The following PLEKHG7 variants were observed in gnomAD, a reference collection of about 807,000 sequenced individuals.
PLEKHG7 encodes the protein pleckstrin homology domain-containing family G member 7.
A neutral mutation model predicts 85.2 loss-of-function variants in PLEKHG7; 77 were observed. The observed-to-expected ratio is 0.90, with a 90% CI of 0.75 to 1.09. The LOEUF is 1.09. Among genes scored for constraint, PLEKHG7 ranks in the 50% least tolerant of loss-of-function variants. PLEKHG7 has a pLI of 0.00. For missense variants in PLEKHG7, 777 were observed against 804.3 expected (o/e 0.97, Z 0.41); for synonymous variants, 301 against 302.4 (o/e 1.00, Z 0.05).
intron 3 of PLEKHG7, among the ~76,000 whole-genome samples, chr12:92,712,789 T>A (rs1871388684): frequency 6.6e-6 from 1 of 152,200 alleles, no homozygotes; most frequent in Non-Finnish European, 1.5e-5. Context: ...TTATATACTC[T>A]GGTCCTGGAA....
intron 3 of PLEKHG7, 45 bp from the exon 4 acceptor site, chr12:92,728,947 TA>T: frequency 8.3e-7 from 1 of 1,210,232 alleles, no homozygotes; most frequent in Non-Finnish European, 1.0e-6. Flanking sequence ...CTGAGTGGTC[TA>T]AGATGATATT....
At chr12:92,719,596 A>G (rs754180136) in intron 3 of PLEKHG7, among the ~76,000 whole-genome samples, 4 of 152,226 alleles carry the variant, frequency 2.6e-5, no homozygotes, top group African/African-American at 4.8e-5. Context: ...AGTGCCTTCA[A>G]TAAGATTTTT....
intron 11 of PLEKHG7, 59 bp downstream of exon 11, chr12:92,754,323 A>G (rs1872768962): frequency 2.6e-6 from 4 of 1,513,742 alleles, no homozygotes; most frequent in African/African-American, 1.4e-5. Context: ...ACTCCTGGAA[A>G]CCTTCTGGGC....
chr12:92,736,718 G>A, intron 6 of PLEKHG7, 141 bp downstream of exon 6: 1 of 442,952 alleles, frequency 2.3e-6, no homozygotes, highest in East Asian at 3.5e-5. Context: ...AGGAACCCAG[G>A]ACTGAGCAGG....
At position 92,753,156 on chromosome 12, in the gene PLEKHG7, C is replaced by T. The variant is rs182792718; in HGVS notation, c.1252-934C>T. ...ATTCAGTTGATATTAATCCCTTTAT[C>T]GCTGAACTCAGGGTCAATTTGGTGT... On this transcript the variant is annotated intron_variant, in intron 10 of 16. Coordinates refer to ENST00000344636, the MANE Select transcript of PLEKHG7 (RefSeq NM_001377329.1). Among the ~76,000 whole-genome samples the T allele has an allele frequency of 2.0e-3, 302 of 152,238 alleles. 7 individuals carry two copies. The highest frequency in any genetic ancestry group is 3.5e-4 in the Non-Finnish European group (24 of 68,028).
chr12:92,729,322 C>T (rs1257072514), intron 4 of PLEKHG7, among the ~76,000 whole-genome samples: 1 of 151,444 alleles, frequency 6.6e-6, no homozygotes, highest in Non-Finnish European at 1.5e-5. Context: ...ATTGGGCATT[C>T]CATTTACAGA....
intron 9 of PLEKHG7, among the ~76,000 whole-genome samples, chr12:92,745,232 A>T (rs1349229748): frequency 6.6e-6 from 1 of 152,366 alleles, no homozygotes; most frequent in Non-Finnish European, 1.5e-5. Flanking sequence ...CTTTAAGTAT[A>T]GGGAGAAAAA....
At chr12:92,709,989 T>A (rs1232445843) in intron 3 of PLEKHG7, among the ~76,000 whole-genome samples, 18 of 152,220 alleles carry the variant, frequency 1.2e-4, no homozygotes, top group Admixed American at 1.2e-3. Context: ...CAGGTGGCAA[T>A]TTTAACTTCA....
chr12:92,717,602 G>A (rs1035558068), intron 3 of PLEKHG7, among the ~76,000 whole-genome samples: 1 of 152,196 alleles, frequency 6.6e-6, no homozygotes, highest in African/African-American at 2.4e-5. Flanking sequence ...TTATCATAAC[G>A]TAGTTTTGCT....
At position 92,729,099 on chromosome 12, in the gene PLEKHG7, C is replaced by T. The variant is rs1467165778; in HGVS notation, c.637C>T (p.Pro213Ser). The change falls in exon 4 of 17, where the codon CCA (proline) becomes TCA (serine). Residue 213 changes from proline (P) to serine (S), a missense_variant. Coordinates refer to ENST00000344636, the MANE Select transcript of PLEKHG7 (RefSeq NM_001377329.1). ...SDGAADYLCH[P>S]LLLLNSESKK... ...TGGAGCTGCTGATTACCTATGCCAT[C>T]CACTTCTGCTGCTGAATTCAGGTTC... The T allele has an allele frequency of 8.1e-7, 1 of 1,231,680 alleles. No homozygotes were observed. The highest frequency in any genetic ancestry group is 1.0e-6 in the Non-Finnish European group (1 of 987,790). 76.3% of individuals were successfully genotyped at this position (1,231,680 alleles called of 1,614,324 possible).
At chr12:92,769,184 AC>A in intron 16 of PLEKHG7, 104 bp downstream of exon 16, 4 of 864,138 alleles carry the variant, frequency 4.6e-6, no homozygotes, top group Non-Finnish European at 7.0e-6. Context: ...TTTTTCTCTC[AC>A]CCACTTGGGA....
At chr12:92,738,857 C>T (rs73217808) in intron 7 of PLEKHG7, among the ~76,000 whole-genome samples, 8,988 of 152,260 alleles carry the variant, frequency 0.059, 361 homozygotes, top group South Asian at 0.14. Context: ...AAATCCTTAA[C>T]TTAGCAAAAT....
chr12:92,707,567 G>T, intron 2 of PLEKHG7, 83 bp from the exon 3 acceptor site: 2 of 1,561,108 alleles, frequency 1.3e-6, no homozygotes, highest in East Asian at 2.3e-5. Context: ...AGGGCTCATT[G>T]TTTCTCCTTT....
At chr12:92,742,654 C>T (rs1455138167) in intron 9 of PLEKHG7, among the ~76,000 whole-genome samples, 2 of 148,628 alleles carry the variant, frequency 1.3e-5, no homozygotes, top group African/African-American at 5.0e-5. Context: ...AGTGCGACTT[C>T]AGCTCACTGC....
At chr12:92,770,060 T>G (rs1873359221) in intron 16 of PLEKHG7, 28 bp from the exon 17 acceptor site, 1 of 1,388,760 alleles carries the variant, frequency 7.2e-7, no homozygotes, top group African/African-American at 1.5e-5. Context: ...TAATCTCTAT[T>G]TATGTATTTT....
Position 92,772,378 on chromosome 12 carries a change from A to G in PLEKHG7, c.*2183A>G, listed in dbSNP as rs182334925. ...GAATTTAATTACTATTCGAAATTGA[A>G]CAACATTAAAACACCACTGTCTATA... On this transcript the variant is annotated 3_prime_UTR_variant, in exon 17 of 17. Transcript: ENST00000344636. 16 of 152,006 alleles carry G rather than the reference A, an allele frequency of 1.1e-4. No homozygotes were observed. Among genetic ancestry groups the G allele is most frequent in the Non-Finnish European group, 7.4e-5 (5 of 67,824 alleles). The allele number at this position is 152,006 out of a possible 1,614,324, so 9.4% of individuals were successfully genotyped here.
chr12:92,760,094 T>C (rs1238405923), intron 13 of PLEKHG7, among the ~76,000 whole-genome samples: 1 of 152,160 alleles, frequency 6.6e-6, no homozygotes, highest in Non-Finnish European at 1.5e-5. Flanking sequence ...AGCTTAGCCC[T>C]GCCCTTCACG....
Position 92,729,065 on chromosome 12 carries a change from G to T in PLEKHG7, c.603G>T (p.Leu201=). 1 of 1,231,760 alleles carries T rather than the reference G, an allele frequency of 8.1e-7. No homozygotes were observed. Among genetic ancestry groups the T allele is most frequent in the Non-Finnish European group, 1.0e-6 (1 of 987,772 alleles). 76.3% of individuals were successfully genotyped at this position (1,231,760 alleles called of 1,614,324 possible). ...PGLEVFPGDL[L]VSDGAADYLC... ...TTGAGGTGTTCCCCGGGGACCTTCT[G>T]GTGTCAGATGGAGCTGCTGATTACC... Residue 201 remains leucine (L), a synonymous_variant, in exon 4 of 17, where the codon CTG becomes CTT. Coordinates refer to ENST00000344636, the MANE Select transcript of PLEKHG7 (RefSeq NM_001377329.1).
At chr12:92,746,717 C>T (rs1872544013) in intron 10 of PLEKHG7, among the ~76,000 whole-genome samples, 1 of 152,136 alleles carries the variant, frequency 6.6e-6, no homozygotes, top group African/African-American at 2.4e-5. Flanking sequence ...TTGGAAAATC[C>T]TATATACATA....
Sources: gnomAD v4.1 joint callset for allele counts (sites outside exome capture counted in the v4.1 genomes callset) on GRCh38, gnomAD v4.1.1 for gene constraint, MANE v1.5 for transcripts, NCBI Gene and HGNC (gene_info 2026-07-23, HGNC 2026-07-21) for gene names.